NRG4: variants seen among roughly 807,000 people sequenced by gnomAD.
NRG4 encodes the protein pro-neuregulin-4, membrane-bound isoform.
Under a neutral mutation model 15.0 loss-of-function variants are expected in NRG4, and 10 were observed. That is an observed-to-expected ratio of 0.67 (90% CI 0.41 to 1.13). The LOEUF (loss-of-function observed/expected upper bound fraction) is 1.13. Among genes scored for constraint, NRG4 ranks in the 50% most tolerant of loss-of-function variants. The probability of loss-of-function intolerance (pLI) is 0.00; values close to 1 mark genes in which losing one functional copy is unlikely to be tolerated. For missense variants in NRG4, 139 were observed against 140.2 expected, an observed-to-expected ratio of 0.99 and a Z score of 0.04; for synonymous variants, 41 against 50.1, an observed-to-expected ratio of 0.82 and a Z score of 0.77.
intron 5 of NRG4, chr15:75,945,988 G>A (rs1206724676): frequency 6.6e-6 from 1 of 152,158 alleles, no homozygotes; most frequent in African/African-American, 2.4e-5. Flanking sequence ...CACTACTCCT[G>A]CACTTTGGGG....
intron 5 of NRG4, among the ~76,000 whole-genome samples, chr15:76,029,779 A>G (rs1007025244): frequency 6.6e-6 from 1 of 152,244 alleles, no homozygotes; most frequent in Admixed American, 6.5e-5. Flanking sequence ...ATTGAAGAGG[A>G]CACAAACAAA....
chr15:76,007,159 A>AT (rs1652353515), intron 3 of NRG4, among the ~76,000 whole-genome samples: 1 of 151,138 alleles, frequency 6.6e-6, no homozygotes. Context: ...GCTAAACGTC[A>AT]TTGAGTCGAA....
intron 4 of NRG4, among the ~76,000 whole-genome samples, chr15:76,042,443 CAAAT>C (rs1441045828): frequency 6.6e-6 from 1 of 151,134 alleles, no homozygotes; most frequent in Non-Finnish European, 1.5e-5. Flanking sequence ...AGAGGAGATA[CAAAT>C]AAATAAAATC....
At chr15:75,955,090 A>AT (rs1256629687) in intron 5 of NRG4, among the ~76,000 whole-genome samples, 1 of 151,804 alleles carries the variant, frequency 6.6e-6, no homozygotes, top group Non-Finnish European at 1.5e-5. Context: ...CCTTCAGGTG[A>AT]TTTTTTCCAC....
chr15:75,976,902 C>A (rs1227977436), intron 3 of NRG4, among the ~76,000 whole-genome samples: 1 of 152,164 alleles, frequency 6.6e-6, no homozygotes, highest in Non-Finnish European at 1.5e-5. Context: ...CAGGCAGGAA[C>A]GTTTAAGTCT....
intron 2 of NRG4, among the ~76,000 whole-genome samples, chr15:76,053,621 A>G (rs1402582027): frequency 2.0e-5 from 3 of 150,650 alleles, no homozygotes; most frequent in African/African-American, 7.5e-5. Context: ...CAGTGGCACA[A>G]TCTTGGCTCA....
chr15:75,993,040 A>G lies in NRG4; in HGVS notation c.104+16160T>C, dbSNP rs141427503. ...TAGTTTTTCCCTCTAAGCACTTTAA[A>G]TATTTCCTTCCACTATCTTTTGGTC... is the stretch of plus-strand genomic sequence containing the variant. On this transcript the variant is annotated intron_variant, in intron 3 of 5. Coordinates refer to ENST00000394907, the MANE Select transcript of NRG4 (RefSeq NM_138573.4). Among the ~76,000 whole-genome samples the G allele has an allele frequency of 2.6e-5, 4 of 152,184 alleles. No homozygotes were observed. In the East Asian group the frequency reaches 7.7e-4, roughly 29 times the overall value.
intron 3 of NRG4, among the ~76,000 whole-genome samples, chr15:75,973,798 T>G (rs1026557342): frequency 1.3e-5 from 2 of 152,240 alleles, no homozygotes; most frequent in Admixed American, 1.3e-4. Context: ...TTCATATCGA[T>G]GTTCATCAGG....
chr15:75,984,585 A>G (rs1222257703), intron 3 of NRG4, among the ~76,000 whole-genome samples: 2 of 152,148 alleles, frequency 1.3e-5, no homozygotes, highest in Non-Finnish European at 2.9e-5. Flanking sequence ...GGAGTTTAAC[A>G]ATAAGAACAC....
intron 2 of NRG4, chr15:76,056,876 A>G (rs1384084908): frequency 1.3e-5 from 2 of 152,204 alleles, no homozygotes; most frequent in African/African-American, 2.4e-5. Context: ...AGCTACATAC[A>G]TGTACAAATT....
upstream of NRG4, among the ~76,000 whole-genome samples, chr15:76,017,332 T>A (rs1483501503): frequency 1.3e-5 from 2 of 152,086 alleles, no homozygotes; most frequent in Non-Finnish European, 2.9e-5. Flanking sequence ...GCATTTAGCC[T>A]GTTTACATTG....
intron 1 of NRG4, among the ~76,000 whole-genome samples, chr15:76,058,429 A>T (rs1196110111): frequency 1.3e-5 from 2 of 151,856 alleles, no homozygotes; most frequent in African/African-American, 4.9e-5. Context: ...TTTTTTTCTC[A>T]GTTTGCCAAA....
intron 3 of NRG4, among the ~76,000 whole-genome samples, chr15:75,971,707 A>T (rs2033099652): frequency 6.6e-6 from 1 of 152,218 alleles, no homozygotes; most frequent in South Asian, 2.1e-4. Context: ...GAAAAAGGAA[A>T]TTGGACTTCT....
At chr15:75,953,001 A>C (rs1193887755) in intron 5 of NRG4, among the ~76,000 whole-genome samples, 1 of 152,114 alleles carries the variant, frequency 6.6e-6, no homozygotes, top group Non-Finnish European at 1.5e-5. Flanking sequence ...TGGAAGCACA[A>C]AAGTTTTTTG....
rs543406063 is a variant in NRG4 at position 76,018,153 on chromosome 15, C to T, written c.-56-6867G>A. 1.1e-3 allele frequency among the ~76,000 whole-genome samples: 167 copies of T among 152,192 alleles called. 3 individuals carry two copies. The South Asian group carries it at 0.031, about 28-fold the overall frequency. The stretch of plus-strand genomic sequence containing the variant: ...ACTTGTGTATGCTTGTTGAAGTTCT[C>T]GTGCTATGTTTTTCAGCTCAATCAG... On this transcript the variant is annotated intron_variant, in intron 5 of 8. Coordinates refer to the NRG4 transcript ENST00000563910.
intron 5 of NRG4, among the ~76,000 whole-genome samples, chr15:75,943,917 CCTCA>C (rs1270018713): frequency 6.6e-6 from 1 of 152,054 alleles, no homozygotes; most frequent in Non-Finnish European, 1.5e-5. Context: ...ACCCCCCGCC[CCTCA>C]CTGTCTTTGC....
intron 5 of NRG4, among the ~76,000 whole-genome samples, chr15:75,944,897 T>G (rs1436190157): frequency 6.6e-6 from 1 of 152,214 alleles, no homozygotes; most frequent in Non-Finnish European, 1.5e-5. Context: ...TTTTTAACCT[T>G]TGTTATGATG....
Position 75,942,538 on chromosome 15 carries a change from C to G in NRG4, c.*1100G>C, listed in dbSNP as rs953383131. 1 of 152,166 alleles carries G rather than the reference C, an allele frequency of 6.6e-6. No individual in the cohort carries two copies. Among genetic ancestry groups the G allele is most frequent in the African/African-American group, 2.4e-5 (1 of 41,428 alleles). 9.4% of individuals were successfully genotyped at this position (152,166 alleles called of 1,614,324 possible). A position where few individuals can be genotyped will look rare whatever the true frequency, so the allele number is the denominator to read the frequency against. Reference sequence around the variant, plus strand: ...GTGAGAGCTTTTCATTTTGTGTACTCTGTCTCAATGTCTTACCCTCATGTG... The same window carrying G: ...GTGAGAGCTTTTCATTTTGTGTACTGTGTCTCAATGTCTTACCCTCATGTG... On this transcript the variant is annotated 3_prime_UTR_variant, in exon 6 of 6. Transcript: ENST00000394907.
intron 3 of NRG4, among the ~76,000 whole-genome samples, chr15:75,982,194 G>A (rs1465526836): frequency 1.3e-5 from 2 of 152,082 alleles, no homozygotes; most frequent in Admixed American, 6.6e-5. Context: ...AACAAAGATT[G>A]TACCAATAAG....
Sources: gnomAD v4.1 joint callset for allele counts (sites outside exome capture counted in the v4.1 genomes callset) on GRCh38, gnomAD v4.1.1 for gene constraint, MANE v1.5 for transcripts, NCBI Gene and HGNC (gene_info 2026-07-23, HGNC 2026-07-21) for gene names.